TANK: variants seen among roughly 807,000 people sequenced by gnomAD.
TANK encodes the protein TRAF family member-associated NF-kappa-B activator.
A neutral mutation model predicts 43.6 loss-of-function variants in TANK; 15 were observed. The ratio of observed to expected loss-of-function variants is 0.34; its 90% CI spans 0.23 to 0.53. TANK has a LOEUF of 0.53. Ranked by LOEUF, TANK falls within the 20% of genes least tolerant of loss-of-function variation. TANK has a pLI of 0.94. For synonymous variants in TANK, 162 were observed against 178.2 expected, an observed-to-expected ratio of 0.91 and a Z score of 0.73; for missense variants, 417 against 498.6, an observed-to-expected ratio of 0.84 and a Z score of 1.56.
intron 4 of TANK, among the ~76,000 whole-genome samples, chr2:161,215,723 T>C (rs1687088414): frequency 6.6e-6 from 1 of 152,188 alleles, no homozygotes; most frequent in African/African-American, 2.4e-5. Flanking sequence ...CTTAGTTCCT[T>C]CTAAGATACT....
chr2:161,207,937 ACCTATT>A (rs1686720433), intron 4 of TANK: 1 of 955,450 alleles, frequency 1.0e-6, no homozygotes, highest in African/African-American at 1.8e-5. Flanking sequence ...TGCAAAACTA[ACCTATT>A]TCTAGAAATC....
chr2:161,230,784 T>A (rs1283196445), intron 6 of TANK, among the ~76,000 whole-genome samples, 187 bp from the exon 7 acceptor site: 1 of 152,238 alleles, frequency 6.6e-6, no homozygotes, highest in East Asian at 1.9e-4. Context: ...TAAGCTATGT[T>A]TCAGTTCACC....
At chr2:161,149,498 C>T (rs893670131) in intron 1 of TANK, among the ~76,000 whole-genome samples, 2 of 152,142 alleles carry the variant, frequency 1.3e-5, no homozygotes, top group Non-Finnish European at 2.9e-5. Flanking sequence ...TCTAATTGCA[C>T]TGGCTACTGT....
intron 6 of TANK, among the ~76,000 whole-genome samples, chr2:161,230,580 T>A (rs1687857968): frequency 6.6e-6 from 1 of 152,224 alleles, no homozygotes; most frequent in Admixed American, 6.5e-5. Flanking sequence ...TAGATATACC[T>A]AGTAAGATTT....
At chr2:161,147,259 G>A (rs1683939100) in intron 1 of TANK, among the ~76,000 whole-genome samples, 3 of 152,128 alleles carry the variant, frequency 2.0e-5, no homozygotes, top group Admixed American at 2.0e-4. Context: ...TGTGTTAGGT[G>A]GCTATCAGTC....
At chr2:161,214,411 A>C (rs1213650711) in intron 4 of TANK, among the ~76,000 whole-genome samples, 1 of 152,200 alleles carries the variant, frequency 6.6e-6, no homozygotes, top group African/African-American at 2.4e-5. Flanking sequence ...CCATTTTGTC[A>C]CACAAAATAT....
At chr2:161,156,404 T>C, upstream of TANK, 1 of 962,770 alleles carries the variant, frequency 1.0e-6, no homozygotes, top group East Asian at 1.1e-4. Flanking sequence ...CTCCTTATCT[T>C]AGTCTAATAG....
intron 7 of TANK, among the ~76,000 whole-genome samples, chr2:161,233,302 T>C (rs1574079995): frequency 6.6e-6 from 1 of 151,916 alleles, no homozygotes; most frequent in Non-Finnish European, 1.5e-5. Flanking sequence ...GAAGCTGAGG[T>C]GGGAGGATTG....
intron 4 of TANK, among the ~76,000 whole-genome samples, chr2:161,205,908 A>G (rs1686631934): frequency 6.6e-6 from 1 of 152,172 alleles, no homozygotes; most frequent in Admixed American, 6.5e-5. Context: ...GGTTCAAGCA[A>G]TTCTACAGGC....
intron 2 of TANK, among the ~76,000 whole-genome samples, chr2:161,183,812 T>C (rs1685535564): frequency 6.6e-6 from 1 of 151,846 alleles, no homozygotes; most frequent in African/African-American, 2.4e-5. Context: ...TTGAGAATAC[T>C]GAAATAAATA....
chr2:161,167,248 C>G (rs748586523), intron 1 of TANK, among the ~76,000 whole-genome samples: 1 of 152,202 alleles, frequency 6.6e-6, no homozygotes, highest in South Asian at 2.1e-4. Flanking sequence ...TCTCTTCAAA[C>G]GTGGAATTCC....
chr2:161,160,143 C>T, upstream of TANK: 1 of 350,042 alleles, frequency 2.9e-6, no homozygotes, highest in Non-Finnish European at 5.1e-6. Flanking sequence ...GGTTATTTAT[C>T]GTTTGGCAAA....
intron 4 of TANK, 62 bp from the exon 5 acceptor site, chr2:161,223,853 C>A (rs187985384): frequency 1.8e-6 from 2 of 1,120,310 alleles, no homozygotes; most frequent in Non-Finnish European, 1.3e-6. Flanking sequence ...TCTCTTTACT[C>A]GACCTCATTT....
intron 2 of TANK, among the ~76,000 whole-genome samples, chr2:161,192,464 T>A (rs1921309): frequency 0.43 from 65,353 of 152,028 alleles, 14,751 homozygotes; most frequent in Admixed American, 0.55. Flanking sequence ...AATTGTGTTT[T>A]TCTCTTTTAG....
chr2:161,223,873 A>G, intron 4 of TANK, 42 bp from the exon 5 acceptor site: 1 of 1,298,902 alleles, frequency 7.7e-7, no homozygotes, highest in Non-Finnish European at 1.1e-6. Context: ...TGAATTTGGG[A>G]GCAATTTAAA....
rs1687522134 is a variant in TANK, at chr2:161,224,675, A to G, written c.449A>G (p.His150Arg). 1 of 1,589,740 alleles carries G rather than the reference A, an allele frequency of 6.3e-7. No homozygotes were observed. The highest frequency in any genetic ancestry group is 8.6e-7 in the Non-Finnish European group (1 of 1,167,456). The change falls in exon 6 of 8, where the codon CAT becomes CGT. Residue 150 changes from histidine (H) to arginine (R), a missense_variant. By Grantham distance (29) the His-to-Arg change is conservative (BLOSUM62 0). Transcript: ENST00000392749. ...TTCTGGGATCTGAAAGAAGAATTTC[A>G]TAAAATATGCATGCTAGCAAAAGCA... is the stretch of plus-strand genomic sequence containing the variant. ...KTFWDLKEEF[H>R]KICMLAKAQK...
chr2:161,171,391 T>G (rs1684931252), intron 1 of TANK, among the ~76,000 whole-genome samples: 1 of 152,200 alleles, frequency 6.6e-6, no homozygotes, highest in Non-Finnish European at 1.5e-5. Context: ...ACCTTATTTA[T>G]TTTTTCATTA....
chr2:161,219,864 T>C, intron 4 of TANK: 1 of 381,892 alleles, frequency 2.6e-6, no homozygotes, highest in Non-Finnish European at 5.2e-6. Context: ...ATCTTTATTT[T>C]CAGTTTTTTT....
upstream of TANK, among the ~76,000 whole-genome samples, chr2:161,157,155 T>G (rs923153350): frequency 1.3e-5 from 2 of 152,240 alleles, no homozygotes; most frequent in Non-Finnish European, 2.9e-5. Flanking sequence ...GCTTCCTTAC[T>G]ATCCTTCCAT....
Sources: gnomAD v4.1 joint callset for allele counts (sites outside exome capture counted in the v4.1 genomes callset) on GRCh38, gnomAD v4.1.1 for gene constraint, MANE v1.5 for transcripts, NCBI Gene and HGNC (gene_info 2026-07-23, HGNC 2026-07-21) for gene names.